FSHR: variants seen among roughly 807,000 people sequenced by gnomAD.
FSHR encodes follicle-stimulating hormone receptor.
FSHR carries 46 observed loss-of-function variants against 52.1 expected under a neutral mutation model. That is an observed-to-expected ratio of 0.88 (90% CI 0.70 to 1.13). The LOEUF (loss-of-function observed/expected upper bound fraction) is 1.13. Among genes scored for constraint, FSHR ranks in the 50% most tolerant of loss-of-function variants. FSHR has a pLI of 0.00. For missense variants in FSHR, 964 were observed against 834.6 expected (o/e 1.16, Z -1.91); for synonymous variants, 399 against 309.6 (o/e 1.29, Z -3.03).
At chr2:49,100,046 G>A (rs377077301) in intron 1 of FSHR, among the ~76,000 whole-genome samples, 12 of 152,182 alleles carry the variant, frequency 7.9e-5, no homozygotes, top group East Asian at 5.8e-4. Context: ...GCTCACTTTC[G>A]TAGAGCTTAC....
chr2:48,968,909 C>T lies in FSHR; in HGVS notation c.669-26G>A, dbSNP rs771927478. On this transcript the variant is annotated intron_variant, in intron 8 of 9. Coordinates refer to ENST00000406846, the MANE Select transcript of FSHR (RefSeq NM_000145.4). ...CTATAAAGAGAAAAGGTAAATATAACAGGATTACTATGGACCTAAAACTTT... is the reference window on the plus strand; with the variant it reads ...CTATAAAGAGAAAAGGTAAATATAATAGGATTACTATGGACCTAAAACTTT... The T allele has an allele frequency of 5.0e-6, 8 of 1,605,424 alleles. No homozygotes were observed. In the Admixed American group the frequency reaches 8.4e-5, roughly 17 times the overall value.
At chr2:49,079,698 A>G (rs1442991817) in intron 1 of FSHR, among the ~76,000 whole-genome samples, 1 of 152,154 alleles carries the variant, frequency 6.6e-6, no homozygotes. Flanking sequence ...TTGTGGAGTA[A>G]CCTAAGACCT....
At chr2:49,021,886 T>TATATATATATATAGAGAGAGAG (rs1273265515) in intron 2 of FSHR, among the ~76,000 whole-genome samples, 2 of 25,120 alleles carry the variant, frequency 8.0e-5, no homozygotes, top group East Asian at 2.7e-3. Flanking sequence ...TATATATATA[T>TATATATATATATAGAGAGAGAG]AGAGAGAGAG....
chr2:49,085,509 G>A (rs890385842), intron 1 of FSHR, among the ~76,000 whole-genome samples: 5 of 152,086 alleles, frequency 3.3e-5, no homozygotes, highest in Non-Finnish European at 7.4e-5. Flanking sequence ...ATTAGGCAGA[G>A]CTTTACTTCC....
intron 1 of FSHR, among the ~76,000 whole-genome samples, chr2:49,127,799 C>T (rs922552765): frequency 3.6e-5 from 2 of 55,396 alleles, no homozygotes; most frequent in African/African-American, 7.6e-5. Context: ...TCTTCTTCTT[C>T]TTCTTCTTCT....
At chr2:49,034,438 G>C (rs981562122) in intron 2 of FSHR, among the ~76,000 whole-genome samples, 12 of 152,194 alleles carry the variant, frequency 7.9e-5, no homozygotes, top group African/African-American at 2.7e-4. Flanking sequence ...GAGCAAAGTG[G>C]TATATGCAGG....
Position 49,048,272 on chromosome 2 carries a change from GTAAAA to G in FSHR, c.224+19942_224+19946del, listed in dbSNP as rs1318975653. On this transcript the variant is annotated intron_variant, in intron 2 of 9. Coordinates refer to ENST00000406846, the MANE Select transcript of FSHR (RefSeq NM_000145.4). ...AAAAGTTGAGGATGATAAAAAAAAAGTAAAATAAATAAAAAGTGGTTTTCTTATAG... is the reference window on the plus strand; with the variant it reads ...AAAAGTTGAGGATGATAAAAAAAAAGTAAATAAAAAGTGGTTTTCTTATAG... 2.0e-5 allele frequency among the ~76,000 whole-genome samples: 3 copies of G among 150,744 alleles called. No individual in the cohort carries two copies. The Admixed American group carries it at 2.0e-4, about 10-fold the overall frequency.
In FSHR at chr2:49,053,771, G is replaced by A. The variant is rs563049423; in HGVS notation, c.224+14448C>T. On this transcript the variant is annotated intron_variant, in intron 2 of 9. Transcript: ENST00000406846. ...TGGGTTAAACTGGGATAATAAATGA[G>A]GAAGAATCATCAGCAAGGGTTGGGG... is the stretch of plus-strand genomic sequence containing the variant. 4.6e-5 allele frequency among the ~76,000 whole-genome samples: 7 copies of A among 152,242 alleles called. No homozygotes were observed. In the South Asian group the frequency reaches 1.4e-3, roughly 32 times the overall value.
chr2:49,059,461 C>T (rs994056747), intron 2 of FSHR: 10 of 151,794 alleles, frequency 6.6e-5, no homozygotes, highest in South Asian at 6.3e-4. Context: ...ATAGAGAATC[C>T]GTAAATTAAT....
chr2:49,099,698 T>C (rs1670953172), intron 1 of FSHR, among the ~76,000 whole-genome samples: 1 of 151,884 alleles, frequency 6.6e-6, no homozygotes, highest in South Asian at 2.1e-4. Context: ...GACGGCCATA[T>C]GGAAATGGAA....
chr2:49,004,008 T>C lies in FSHR; in HGVS notation c.375-13371A>G, dbSNP rs371813213. Among the ~76,000 whole-genome samples the C allele has an allele frequency of 1.1e-4, 17 of 152,296 alleles. No individual in the cohort carries two copies. In the South Asian group the frequency reaches 3.5e-3, roughly 32 times the overall value. On this transcript the variant is annotated intron_variant, in intron 4 of 9. Transcript: ENST00000406846. Reference sequence around the variant, plus strand: ...ACCTCCCAATATGAGGCTTTAGTAGTGGAATAAGAGGCAACAGTTTATTTT... The same window carrying C: ...ACCTCCCAATATGAGGCTTTAGTAGCGGAATAAGAGGCAACAGTTTATTTT...
At chr2:48,964,432 T>G (rs1674379399) in intron 9 of FSHR, among the ~76,000 whole-genome samples, 1 of 152,192 alleles carries the variant, frequency 6.6e-6, no homozygotes, top group Non-Finnish European at 1.5e-5. Flanking sequence ...CTTATCTACA[T>G]AAATTAGGGG....
At chr2:49,118,767 A>G (rs151301447) in intron 1 of FSHR, among the ~76,000 whole-genome samples, 85 of 152,236 alleles carry the variant, frequency 5.6e-4, no homozygotes, top group Non-Finnish European at 9.0e-4. Context: ...GAACACCCAT[A>G]TTTGGTGTAA....
At chr2:48,999,307 C>T (rs983802070) in intron 4 of FSHR, among the ~76,000 whole-genome samples, 1 of 152,024 alleles carries the variant, frequency 6.6e-6, no homozygotes, top group African/African-American at 2.4e-5. Context: ...TTACCATCCT[C>T]ATATTAGAGT....
chr2:48,969,014 C>A, intron 8 of FSHR, 131 bp from the exon 9 acceptor site: 1 of 829,932 alleles, frequency 1.2e-6, no homozygotes, highest in Non-Finnish European at 2.0e-6. Context: ...CCGGTTCCTC[C>A]AACACACCTT....
chr2:49,111,882 A>G (rs527471066), intron 1 of FSHR, among the ~76,000 whole-genome samples: 1 of 152,288 alleles, frequency 6.6e-6, no homozygotes, highest in East Asian at 1.9e-4. Flanking sequence ...TGTCTTTACA[A>G]AGTGATTCCA....
At chr2:48,971,043 A>T (rs914265200) in intron 8 of FSHR, among the ~76,000 whole-genome samples, 1 of 152,204 alleles carries the variant, frequency 6.6e-6, no homozygotes, top group Admixed American at 6.5e-5. Context: ...CTGCAGATAT[A>T]AAAAATGCCT....
rs528564556 is a variant in FSHR at position 49,082,149 on chromosome 2, G to A, written c.153-13859C>T. On this transcript the variant is annotated intron_variant, in intron 1 of 9. Coordinates refer to ENST00000406846, the MANE Select transcript of FSHR (RefSeq NM_000145.4). ...CAGTGGTTCTCCCAGCACGCAGCTGGAGATCTGAGAACAGCCAGACTGCCT... is the reference window on the plus strand; with the variant it reads ...CAGTGGTTCTCCCAGCACGCAGCTGAAGATCTGAGAACAGCCAGACTGCCT... Among the ~76,000 whole-genome samples, 14 of 152,300 alleles carry A rather than the reference G, an allele frequency of 9.2e-5. No individual in the cohort carries two copies. In the East Asian group the frequency reaches 2.7e-3, roughly 29 times the overall value.
intron 9 of FSHR, among the ~76,000 whole-genome samples, chr2:48,964,456 G>T (rs1341517716): frequency 2.0e-5 from 3 of 152,162 alleles, no homozygotes; most frequent in Admixed American, 2.0e-4. Flanking sequence ...AAAATCTGTA[G>T]TTAGTTCCCA....
Sources: allele counts gnomAD v4.1 joint callset (sites outside exome capture counted in the v4.1 genomes callset), GRCh38; gene constraint gnomAD v4.1.1; transcripts MANE v1.5; gene names NCBI Gene and HGNC (gene_info 2026-07-23, HGNC 2026-07-21).